Variants in MYOCOS observed in about 807,000 individuals in gnomAD.
The protein encoded by MYOCOS is myocilin opposite strand, also known as myocilin opposite strand protein.
chr1:171,607,450 A>G (rs1652272576), intron 1 of MYOCOS, among the ~76,000 whole-genome samples: 1 of 152,206 alleles, frequency 6.6e-6, no homozygotes, highest in African/African-American at 2.4e-5. Flanking sequence ...GAGGTGTCTC[A>G]AGGTATGAGA....
At chr1:171,620,773 CTTT>C (rs34455235), upstream of MYOCOS, among the ~76,000 whole-genome samples, 3 of 127,204 alleles carry the variant, frequency 2.4e-5, no homozygotes, top group Non-Finnish European at 1.6e-5. Flanking sequence ...CTTTTTCTTT[CTTT>C]TTTTTTTTTT....
intron 1 of MYOCOS, among the ~76,000 whole-genome samples, chr1:171,606,045 C>T (rs193252931): frequency 2.3e-4 from 35 of 152,122 alleles, no homozygotes; most frequent in Admixed American, 1.8e-3. Context: ...CACATGTGCC[C>T]GTAAAAGTGT....
chr1:171,620,275 C>T (rs1385240308), upstream of MYOCOS, among the ~76,000 whole-genome samples: 2 of 151,868 alleles, frequency 1.3e-5, no homozygotes, highest in Non-Finnish European at 2.9e-5. Context: ...CATAAATTCT[C>T]ATCAGATGGG....
chr1:171,605,396 A>ACACACACACACACACACACACAC (rs1415539776), intron 1 of MYOCOS, among the ~76,000 whole-genome samples: 1 of 120,822 alleles, frequency 8.3e-6, no homozygotes, highest in South Asian at 2.6e-4. Flanking sequence ...CACACACACA[A>ACACACACACACACACACACACAC]AAAAAAAAAA....
intron 1 of MYOCOS, among the ~76,000 whole-genome samples, chr1:171,602,446 G>GTTTAAAAGTT (rs1652161683): frequency 6.6e-6 from 1 of 152,078 alleles, no homozygotes; most frequent in Non-Finnish European, 1.5e-5. Context: ...GTTTTAAAAC[G>GTTTAAAAGTT]TTAATTGTAA....
chr1:171,605,474 C>G (rs541145373), intron 1 of MYOCOS, among the ~76,000 whole-genome samples: 13 of 151,538 alleles, frequency 8.6e-5, no homozygotes, highest in South Asian at 2.1e-4. Context: ...AAGTTGCAGA[C>G]TGTTTAGGCC....
chr1:171,610,263 C>A (rs1401395980), intron 1 of MYOCOS, among the ~76,000 whole-genome samples: 3 of 152,136 alleles, frequency 2.0e-5, no homozygotes. Context: ...CCTGTCCCAC[C>A]ATGTTTGCAG....
intron 1 of MYOCOS, among the ~76,000 whole-genome samples, chr1:171,613,826 C>A (rs559739): frequency 0.24 from 36,249 of 152,058 alleles, 5,352 homozygotes; most frequent in African/African-American, 0.42. Flanking sequence ...TGAGCCACCA[C>A]ACCTAAATCC....
At chr1:171,622,412 G>A (rs1449739271) in intron 1 of MYOCOS, 80 bp downstream of exon 1, 1 of 152,216 alleles carries the variant, frequency 6.6e-6, no homozygotes, top group Non-Finnish European at 1.5e-5. Flanking sequence ...CTGACTACAG[G>A]AGGTTAAAAG....
intron 1 of MYOCOS, among the ~76,000 whole-genome samples, chr1:171,613,698 C>T (rs945953772): frequency 7.2e-5 from 11 of 152,100 alleles, no homozygotes; most frequent in African/African-American, 2.7e-4. Context: ...CAGGCACATG[C>T]CATCACACCT....
At chr1:171,614,326 T>C (rs59135694) in intron 1 of MYOCOS, among the ~76,000 whole-genome samples, 12,584 of 152,254 alleles carry the variant, frequency 0.083, 1,745 homozygotes, top group African/African-American at 0.29. Flanking sequence ...GAAAGTTCAT[T>C]GAGGGAGTGC....
chr1:171,610,405 T>G (rs1158720664), intron 1 of MYOCOS, among the ~76,000 whole-genome samples: 1 of 152,212 alleles, frequency 6.6e-6, no homozygotes, highest in Non-Finnish European at 1.5e-5. Context: ...TCTGTCTTAG[T>G]CTGTTTTATG....
At chr1:171,621,771 G>A (rs1647587765), upstream of MYOCOS, among the ~76,000 whole-genome samples, 1 of 152,066 alleles carries the variant, frequency 6.6e-6, no homozygotes, top group Non-Finnish European at 1.5e-5. Context: ...AGGAGTTCAA[G>A]GCAGCAGTGA....
At chr1:171,611,464 C>A (rs1652351492) in intron 1 of MYOCOS, among the ~76,000 whole-genome samples, 1 of 152,292 alleles carries the variant, frequency 6.6e-6, no homozygotes, top group Non-Finnish European at 1.5e-5. Context: ...TTCTATTACT[C>A]ATTTGGTCAC....
intron 1 of MYOCOS, among the ~76,000 whole-genome samples, chr1:171,610,499 T>C: frequency 6.6e-6 from 1 of 152,134 alleles, no homozygotes; most frequent in Non-Finnish European, 1.5e-5. Context: ...TCCAGGAGCA[T>C]GGTGCCAGCA....
chr1:171,617,483 G>A (rs563924600), upstream of MYOCOS, among the ~76,000 whole-genome samples: 34 of 152,288 alleles, frequency 2.2e-4, no homozygotes, highest in South Asian at 3.7e-3. Flanking sequence ...TGGACCAAGC[G>A]AGAGGGTGGT....
intron 1 of MYOCOS, among the ~76,000 whole-genome samples, chr1:171,606,615 AC>A (rs1326293632): frequency 6.6e-6 from 1 of 152,078 alleles, no homozygotes; most frequent in Non-Finnish European, 1.5e-5. Flanking sequence ...AGTGCACGAA[AC>A]CCCTGTCACT....
chr1:171,605,390 CACACAA>C (rs1481543991), intron 1 of MYOCOS, among the ~76,000 whole-genome samples: 7 of 133,306 alleles, frequency 5.3e-5, no homozygotes, highest in Admixed American at 4.3e-4. Flanking sequence ...CACACACACA[CACACAA>C]AAAAAAAAAA....
At chr1:171,623,702 G>A (rs937305417) in intron 1 of MYOCOS, 139 bp from the exon 2 acceptor site, 15 of 395,098 alleles carry the variant, frequency 3.8e-5, no homozygotes, top group South Asian at 1.4e-4. Flanking sequence ...GGGGAAGGGG[G>A]ATGAAGGCCA....
Sources: gnomAD v4.1 joint callset for allele counts (sites outside exome capture counted in the v4.1 genomes callset) on GRCh38, gnomAD v4.1.1 for gene constraint, MANE v1.5 for transcripts, NCBI Gene and HGNC (gene_info 2026-07-23, HGNC 2026-07-21) for gene names.